The following SCGB3A2 variants were observed in gnomAD, a reference collection of about 807,000 sequenced individuals.
The protein encoded by SCGB3A2 is pneumo secretory protein 1.
SCGB3A2 carries 5 observed loss-of-function variants against 7.7 expected under a neutral mutation model. That is an observed-to-expected ratio of 0.65 (90% confidence interval 0.34 to 1.36). The LOEUF is 1.36. Among genes scored for constraint, SCGB3A2 ranks in the 40% most tolerant of loss-of-function variants. The probability of loss-of-function intolerance (pLI) is 0.04; values close to 1 mark genes in which losing one functional copy is unlikely to be tolerated. For missense variants in SCGB3A2, 109 were observed against 103.6 expected (o/e 1.05, Z -0.23); for synonymous variants, 44 against 42.7 (o/e 1.03, Z -0.12).
intron 1 of SCGB3A2, 67 bp downstream of exon 1, chr5:147,878,925 T>G (rs1757302790): frequency 5.3e-6 from 6 of 1,138,376 alleles, no homozygotes; most frequent in Middle Eastern, 3.9e-4. Flanking sequence ...AGAGCACAAC[T>G]AGTAAGCCTT....
chr5:147,880,426 A>G (rs1183291875), intron 1 of SCGB3A2, among the ~76,000 whole-genome samples: 1 of 152,062 alleles, frequency 6.6e-6, no homozygotes, highest in African/African-American at 2.4e-5. Context: ...CACTCCCTTT[A>G]TCTTCCATCC....
intron 1 of SCGB3A2, 140 bp downstream of exon 1, chr5:147,878,998 A>G (rs186567893): frequency 1.5e-6 from 1 of 647,454 alleles, no homozygotes; most frequent in East Asian, 2.6e-5. Flanking sequence ...CTTTTAACTG[A>G]CACATAATAA....
Position 147,882,095 on chromosome 5 carries a change from T to A in SCGB3A2, c.*45T>A. On this transcript the variant is annotated 3_prime_UTR_variant, in exon 3 of 3. Coordinates refer to ENST00000296694, the MANE Select transcript of SCGB3A2 (RefSeq NM_054023.5). ...GGTGGATGGGGATGGAAGATGATGC[T>A]CCTATCCTCCCTGCCTGAAACCTGT... The A allele has an allele frequency of 6.3e-7, 1 of 1,595,876 alleles. No individual in the cohort carries two copies. The highest frequency in any genetic ancestry group is 1.1e-5 in the South Asian group (1 of 90,658).
chr5:147,881,230 C>T (rs940324159), intron 1 of SCGB3A2: 4 of 548,302 alleles, frequency 7.3e-6, no homozygotes, highest in Non-Finnish European at 1.3e-5. Flanking sequence ...TGAAGAGAGA[C>T]CAAATAATGT....
intron 1 of SCGB3A2, among the ~76,000 whole-genome samples, chr5:147,879,169 A>G (rs908317800): frequency 6.6e-6 from 1 of 152,192 alleles, no homozygotes; most frequent in African/African-American, 2.4e-5. Context: ...TCAACAAAGC[A>G]CATTTCACTG....
Sources: allele counts gnomAD v4.1 joint callset (sites outside exome capture counted in the v4.1 genomes callset), GRCh38; gene constraint gnomAD v4.1.1; transcripts MANE v1.5; gene names NCBI Gene and HGNC (gene_info 2026-07-23, HGNC 2026-07-21).